TPTE: variants seen among roughly 807,000 people sequenced by gnomAD.
TPTE encodes transmembrane phosphatase with tensin homology, also known as putative tyrosine-protein phosphatase TPTE.
A neutral mutation model predicts 84.1 loss-of-function variants in TPTE; 59 were observed. The ratio of observed to expected loss-of-function variants is 0.70; its 90% CI spans 0.57 to 0.87. TPTE has a LOEUF of 0.87. Ranked by LOEUF, TPTE falls within the 40% of genes least tolerant of loss-of-function variation. The pLI, the probability that TPTE is intolerant of heterozygous loss-of-function variation, is 0.00. For missense variants in TPTE, 382 were observed against 659.6 expected (o/e 0.58, Z 4.61); for synonymous variants, 130 against 223.5 (o/e 0.58, Z 3.73).
chr21:10,579,305 TG>T (rs1211584890), intron 17 of TPTE, among the ~76,000 whole-genome samples: 22 of 152,372 alleles, frequency 1.4e-4, no homozygotes, highest in African/African-American at 5.3e-4. Flanking sequence ...GTGGATCACA[TG>T]GTGAAGCCCC....
At chr21:10,545,750 T>C (rs2074454562) in intron 7 of TPTE, among the ~76,000 whole-genome samples, 1 of 151,772 alleles carries the variant, frequency 6.6e-6, no homozygotes, top group Non-Finnish European at 1.5e-5. Flanking sequence ...TATTTGTGTG[T>C]ATATAGATAT....
At chr21:10,557,536 G>A (rs2074707831) in intron 8 of TPTE, among the ~76,000 whole-genome samples, 1 of 152,298 alleles carries the variant, frequency 6.6e-6, no homozygotes, top group African/African-American at 2.4e-5. Context: ...AGACTGTGTG[G>A]GATCAGAGGT....
At chr21:10,576,650 C>G (rs1315770091) in intron 14 of TPTE, 2 of 152,430 alleles carry the variant, frequency 1.3e-5, no homozygotes, top group Non-Finnish European at 2.9e-5. Context: ...AAACATTGCT[C>G]TGAGGGTACC....
intron 3 of TPTE, among the ~76,000 whole-genome samples, chr21:10,529,397 A>G (rs957595837): frequency 1.3e-5 from 2 of 152,310 alleles, no homozygotes; most frequent in African/African-American, 4.8e-5. Flanking sequence ...AATGTCTAAC[A>G]GCTACTTTTA....
intron 6 of TPTE, among the ~76,000 whole-genome samples, chr21:10,543,054 GCT>G (rs1356804722): frequency 1.0e-5 from 1 of 99,400 alleles, no homozygotes; most frequent in Non-Finnish European, 1.7e-5. Flanking sequence ...ACGGAGTCTC[GCT>G]CTGTCGCCCA....
chr21:10,525,906 A>G (rs1355270214), intron 2 of TPTE, among the ~76,000 whole-genome samples: 1 of 152,312 alleles, frequency 6.6e-6, no homozygotes, highest in Admixed American at 6.5e-5. Flanking sequence ...TTGCTTAGCA[A>G]TCCTGGCTTG....
intron 1 of TPTE, among the ~76,000 whole-genome samples, chr21:10,522,099 G>A (rs1231522678): frequency 6.6e-6 from 1 of 152,026 alleles, no homozygotes; most frequent in Non-Finnish European, 1.5e-5. Flanking sequence ...CCGGTCCTGC[G>A]GAGGCTCCCG....
intron 3 of TPTE, among the ~76,000 whole-genome samples, chr21:10,531,421 A>G (rs1453376214): frequency 6.6e-6 from 1 of 152,306 alleles, no homozygotes; most frequent in Non-Finnish European, 1.5e-5. Flanking sequence ...TTCATCTTCC[A>G]CCATAAATGG....
Position 10,605,577 on chromosome 21 carries a change from G to C in TPTE, c.*25G>C. 6.2e-7 allele frequency: 1 copy of C among 1,613,870 alleles called. No homozygotes were observed. The highest frequency in any genetic ancestry group is 8.5e-7 in the Non-Finnish European group (1 of 1,179,816). On this transcript the variant is annotated 3_prime_UTR_variant, in exon 24 of 24. Coordinates refer to ENST00000618007, the MANE Select transcript of TPTE (RefSeq NM_199261.4). ...AGTATAGCTCCCCCTTCCCCTTCTG[G>C]GAAAGAATTATGTTCTTTCCAACCC...
chr21:10,545,501 G>A (rs1600877179), intron 7 of TPTE, among the ~76,000 whole-genome samples: 5 of 152,418 alleles, frequency 3.3e-5, no homozygotes, highest in East Asian at 3.9e-4. Flanking sequence ...TTAATCGTTA[G>A]CACTGGCCCG....
chr21:10,538,022 A>G (rs2074299204), intron 3 of TPTE, among the ~76,000 whole-genome samples: 1 of 152,312 alleles, frequency 6.6e-6, no homozygotes, highest in Non-Finnish European at 1.5e-5. Flanking sequence ...CTCTTGAGTA[A>G]AAATAAAAAC....
At chr21:10,601,622 G>A (rs2145806111) in intron 21 of TPTE, among the ~76,000 whole-genome samples, 1 of 152,428 alleles carries the variant, frequency 6.6e-6, no homozygotes, top group Non-Finnish European at 1.5e-5. Context: ...GGGAGACCCA[G>A]GTGGGCAGAT....
intron 7 of TPTE, among the ~76,000 whole-genome samples, chr21:10,549,560 A>T (rs868735902): frequency 2.2e-4 from 33 of 152,420 alleles, no homozygotes; most frequent in Middle Eastern, 6.8e-3. Flanking sequence ...ATGAAAAAAT[A>T]CAATCAATGG....
intron 3 of TPTE, among the ~76,000 whole-genome samples, chr21:10,531,473 C>G (rs1448191361): frequency 2.0e-5 from 3 of 152,310 alleles, no homozygotes; most frequent in African/African-American, 7.2e-5. Context: ...GCTTCTTGTG[C>G]AGCACACAAC....
intron 10 of TPTE, among the ~76,000 whole-genome samples, chr21:10,564,017 G>A (rs1339615704): frequency 6.6e-6 from 1 of 152,310 alleles, no homozygotes; most frequent in African/African-American, 2.4e-5. Context: ...AGCAGGGTGT[G>A]GTGGTGCGCA....
chr21:10,552,763 T>G (rs1425484474), intron 8 of TPTE, 47 bp downstream of exon 8: 2 of 1,612,920 alleles, frequency 1.2e-6, no homozygotes, highest in African/African-American at 2.7e-5. Context: ...GATGGATCTC[T>G]TATCTTTAGT....
At chr21:10,594,479 G>T (rs1157470768) in intron 19 of TPTE, among the ~76,000 whole-genome samples, 1 of 152,310 alleles carries the variant, frequency 6.6e-6, no homozygotes, top group Non-Finnish European at 1.5e-5. Flanking sequence ...CCTCCTATGT[G>T]TTGGTTGTAT....
At chr21:10,558,125 T>C in intron 8 of TPTE, among the ~76,000 whole-genome samples, 1 of 152,306 alleles carries the variant, frequency 6.6e-6, no homozygotes, top group Non-Finnish European at 1.5e-5. Context: ...ATGGTATATA[T>C]GTACCACATT....
At chr21:10,557,571 T>G (rs994068430) in intron 8 of TPTE, among the ~76,000 whole-genome samples, 5 of 152,302 alleles carry the variant, frequency 3.3e-5, no homozygotes, top group African/African-American at 1.2e-4. Flanking sequence ...AATGGCAACT[T>G]GAGGAGAGAA....
Sources: gnomAD v4.1 joint callset for allele counts (sites outside exome capture counted in the v4.1 genomes callset) on GRCh38, gnomAD v4.1.1 for gene constraint, MANE v1.5 for transcripts, NCBI Gene and HGNC (gene_info 2026-07-23, HGNC 2026-07-21) for gene names.